The following TRPM3 variants were observed in gnomAD, a reference collection of about 807,000 sequenced individuals.
The protein encoded by TRPM3 is transient receptor potential cation channel subfamily M member 3, also known as long transient receptor potential channel 3.
In TRPM3, 77 loss-of-function variants were observed where a neutral mutation model predicts 181.2. The ratio of observed to expected loss-of-function variants is 0.42; its 90% confidence interval spans 0.35 to 0.51. The LOEUF is 0.51. Among genes scored for constraint, TRPM3 ranks in the 20% least tolerant of loss-of-function variants. The pLI is 0.01. For synonymous variants in TRPM3, 745 were observed against 796.4 expected (o/e 0.94, Z 1.09); for missense variants, 1,759 against 2,196.7 (o/e 0.80, Z 3.98).
intron 1 of TRPM3, among the ~76,000 whole-genome samples, chr9:70,900,168 C>A (rs540438952): frequency 6.6e-6 from 1 of 152,134 alleles, no homozygotes; most frequent in African/African-American, 2.4e-5. Context: ...TCTAGAAAAT[C>A]AAGCAAATAA....
intron 1 of TRPM3, among the ~76,000 whole-genome samples, chr9:71,000,752 T>C (rs566678520): frequency 6.6e-6 from 1 of 152,310 alleles, no homozygotes; most frequent in South Asian, 2.1e-4. Context: ...ATATGCTACT[T>C]AGTCTATAGA....
chr9:71,296,727 C>T (rs1271635115), intron 1 of TRPM3, among the ~76,000 whole-genome samples: 2 of 152,024 alleles, frequency 1.3e-5, no homozygotes, highest in Non-Finnish European at 1.5e-5. Flanking sequence ...AACGACGGAC[C>T]ATTAGAAGAT....
intron 6 of TRPM3, among the ~76,000 whole-genome samples, chr9:70,805,300 A>AGAT: frequency 6.6e-6 from 1 of 152,026 alleles, no homozygotes; most frequent in South Asian, 2.1e-4. Flanking sequence ...ATGAAGGTTA[A>AGAT]GATTGACTTT....
At position 71,121,540 on chromosome 9, in the gene TRPM3, G is replaced by A. The variant is rs900297786; in HGVS notation, c.-186C>T. ...GAGGCACACTGCCTGCTGCTTCGGGGAGGGGATGCACGATTTTGAAGAAGA... is the reference window on the plus strand; with the variant it reads ...GAGGCACACTGCCTGCTGCTTCGGGAAGGGGATGCACGATTTTGAAGAAGA... On this transcript the variant is annotated 5_prime_UTR_variant, in exon 1 of 26. Transcript: ENST00000677713. 54 of 1,390,406 alleles carry A rather than the reference G, an allele frequency of 3.9e-5. No individual in the cohort carries two copies. The highest frequency in any genetic ancestry group is 6.1e-5 in the Admixed American group (2 of 32,778). 86.1% of individuals were successfully genotyped at this position (1,390,406 alleles called of 1,614,324 possible). A position where few individuals can be genotyped will look rare whatever the true frequency, so the allele number is the denominator to read the frequency against.
At chr9:70,780,575 T>G (rs2082250097) in intron 7 of TRPM3, among the ~76,000 whole-genome samples, 2 of 152,232 alleles carry the variant, frequency 1.3e-5, no homozygotes, top group South Asian at 2.1e-4. Flanking sequence ...TGCAAGATAA[T>G]GTTATTTGGA....
intron 18 of TRPM3, among the ~76,000 whole-genome samples, chr9:70,611,507 AC>A (rs2061999082): frequency 1.3e-5 from 2 of 152,070 alleles, no homozygotes; most frequent in Non-Finnish European, 2.9e-5. Flanking sequence ...TTTGCCTTCC[AC>A]CATGATTGTG....
At chr9:71,123,586 G>C (rs1181150263), upstream of TRPM3, among the ~76,000 whole-genome samples, 1 of 152,196 alleles carries the variant, frequency 6.6e-6, no homozygotes, top group East Asian at 1.9e-4. Flanking sequence ...TTTTCATTAA[G>C]CATGCATACA....
intron 1 of TRPM3, among the ~76,000 whole-genome samples, chr9:71,058,372 G>T (rs772194652): frequency 6.6e-6 from 1 of 151,958 alleles, no homozygotes; most frequent in African/African-American, 2.4e-5. Context: ...AACCAGGGAC[G>T]GAGACTGCAC....
rs535313705 is a variant in TRPM3, at chr9:71,280,492, C to T, written c.183+166161G>A. Among the ~76,000 whole-genome samples the T allele has an allele frequency of 2.0e-4, 30 of 151,142 alleles. No individual in the cohort carries two copies. In the South Asian group the frequency reaches 6.3e-3, roughly 32 times the overall value. On this transcript the variant is annotated intron_variant, in intron 1 of 24. Coordinates refer to the TRPM3 transcript ENST00000357533. ...ACCCTTCCCCTTCAGAAAAAGCCAA[C>T]AACAGCAAGGGGCCATCTCAGAAAA... is the stretch of plus-strand genomic sequence containing the variant.
intron 1 of TRPM3, among the ~76,000 whole-genome samples, chr9:71,185,501 A>G (rs2077622976): frequency 6.6e-6 from 1 of 152,142 alleles, no homozygotes; most frequent in South Asian, 2.1e-4. Context: ...TGTTTAGGCC[A>G]GGTAAGAACT....
chr9:70,781,104 T>C (rs1208570899), intron 7 of TRPM3, among the ~76,000 whole-genome samples: 3 of 151,974 alleles, frequency 2.0e-5, no homozygotes, highest in Admixed American at 1.3e-4. Flanking sequence ...GGTGGGAGGA[T>C]CACGAGGTTA....
chr9:70,654,905 G>C (rs138635746), intron 9 of TRPM3, among the ~76,000 whole-genome samples: 3 of 151,104 alleles, frequency 2.0e-5, no homozygotes, highest in South Asian at 2.1e-4. Flanking sequence ...GGATGGTCTC[G>C]ATCTCCTGAC....
At chr9:70,677,583 C>G (rs2064318847) in intron 9 of TRPM3, among the ~76,000 whole-genome samples, 2 of 152,192 alleles carry the variant, frequency 1.3e-5, no homozygotes. Flanking sequence ...TGCTGGGTTT[C>G]CCCTCTCAGT....
At chr9:71,068,659 A>G (rs543467975) in intron 1 of TRPM3, among the ~76,000 whole-genome samples, 1 of 152,342 alleles carries the variant, frequency 6.6e-6, no homozygotes, top group South Asian at 2.1e-4. Flanking sequence ...GTGAGTGGCC[A>G]TGCTGAAGTT....
intron 1 of TRPM3, among the ~76,000 whole-genome samples, chr9:71,132,249 C>T (rs2074417766): frequency 1.3e-5 from 2 of 152,200 alleles, no homozygotes; most frequent in Admixed American, 1.3e-4. Flanking sequence ...TCCCCAAGAT[C>T]TGAGTCTCGA....
chr9:70,974,267 C>T (rs371202865), intron 1 of TRPM3, among the ~76,000 whole-genome samples: 4 of 151,980 alleles, frequency 2.6e-5, no homozygotes, highest in Admixed American at 6.6e-5. Flanking sequence ...TGGCCGGGCG[C>T]GGTGGTTCAC....
intron 9 of TRPM3, among the ~76,000 whole-genome samples, chr9:70,658,569 A>C (rs1410297803): frequency 1.3e-5 from 2 of 152,128 alleles, no homozygotes; most frequent in Non-Finnish European, 2.9e-5. Flanking sequence ...GTATGTTATT[A>C]GTAATAATTA....
chr9:70,784,201 A>AGG lies in TRPM3; in HGVS notation c.1050_1051dup (p.Leu351ProfsTer35). 6.2e-7 allele frequency: 1 copy of AGG among 1,613,826 alleles called. No individual in the cohort carries two copies. The highest frequency in any genetic ancestry group is 8.5e-7 in the Non-Finnish European group (1 of 1,179,808). On this transcript the variant is annotated frameshift_variant, in exon 7 of 26. Transcript: ENST00000677713. LOFTEE classifies it high-confidence loss of function. ...CACTGGCACGGGAGGGGTGTCTCGA[A>AGG]GGTACTCCAAAACAATCGAGATCAC...
At chr9:70,905,117 G>C (rs11999819) in intron 1 of TRPM3, among the ~76,000 whole-genome samples, 1 of 152,178 alleles carries the variant, frequency 6.6e-6, no homozygotes, top group Non-Finnish European at 1.5e-5. Context: ...TCCTCCAGTT[G>C]CATTTCTGAG....
Sources: gnomAD v4.1 joint callset for allele counts (sites outside exome capture counted in the v4.1 genomes callset) on GRCh38, gnomAD v4.1.1 for gene constraint, MANE v1.5 for transcripts, NCBI Gene and HGNC (gene_info 2026-07-23, HGNC 2026-07-21) for gene names.